Variants in PSMD13 observed in about 807,000 individuals in gnomAD.
PSMD13 encodes the protein proteasome 26S subunit, non-ATPase 13, also known as 26S proteasome non-ATPase regulatory subunit 13.
Under a neutral mutation model 57.4 loss-of-function variants are expected in PSMD13, and 8 were observed. The ratio of observed to expected loss-of-function variants is 0.14; its 90% CI spans 0.08 to 0.25. The LOEUF (loss-of-function observed/expected upper bound fraction) is 0.25, where lower values mean the gene tolerates loss of function less well. PSMD13 is among the 10% of genes least tolerant of loss of function. The pLI is 1.00. For missense variants in PSMD13, 400 were observed against 461.5 expected, an observed-to-expected ratio of 0.87 and a Z score of 1.22; for synonymous variants, 193 against 168.2, an observed-to-expected ratio of 1.15 and a Z score of -1.14.
chr11:237,845 T>A (rs1859378406), intron 1 of PSMD13, among the ~76,000 whole-genome samples: 1 of 152,366 alleles, frequency 6.6e-6, no homozygotes, highest in Non-Finnish European at 1.5e-5. Context: ...ATGAGTAGAA[T>A]AAATTGCTGG....
intron 2 of PSMD13, chr11:243,085 C>T (rs1278585870): frequency 1.9e-5 from 9 of 484,294 alleles, no homozygotes; most frequent in African/African-American, 9.7e-5. Context: ...TGAGCCACTG[C>T]GCCCGGATGG....
chr11:246,789 C>T lies in PSMD13; in HGVS notation c.397-488C>T, dbSNP rs187080707. 1.2e-3 allele frequency among the ~76,000 whole-genome samples: 184 copies of T among 152,278 alleles called. 1 individual carries two copies. The highest frequency in any genetic ancestry group is 4.1e-3 in the African/African-American group (172 of 41,548). On this transcript the variant is annotated intron_variant, in intron 6 of 12. Transcript: ENST00000532097. ...CTTGTTGGGGGTTTAATTTGCATTT[C>T]ACAATTACTAGTGGTTTATTGGCCA...
chr11:241,416 A>G (rs1416944068), intron 2 of PSMD13, among the ~76,000 whole-genome samples: 3 of 152,158 alleles, frequency 2.0e-5, no homozygotes, highest in Non-Finnish European at 2.9e-5. Flanking sequence ...TACATAACAG[A>G]CGTGAGCCAC....
At chr11:250,928 G>A in intron 10 of PSMD13, 63 bp downstream of exon 10, 1 of 1,429,660 alleles carries the variant, frequency 7.0e-7, no homozygotes, top group Non-Finnish European at 9.8e-7. Flanking sequence ...TGGGGGCGCT[G>A]CACTCTCCAA....
intron 1 of PSMD13, among the ~76,000 whole-genome samples, chr11:237,596 T>C (rs2133978569): frequency 6.6e-6 from 1 of 152,346 alleles, no homozygotes; most frequent in Admixed American, 6.5e-5. Flanking sequence ...TCTACAGTTA[T>C]CTTTCTCATG....
intron 6 of PSMD13, among the ~76,000 whole-genome samples, chr11:246,010 CT>C (rs1590250828): frequency 6.6e-6 from 1 of 152,174 alleles, no homozygotes; most frequent in Non-Finnish European, 1.5e-5. Context: ...TCAGACCACA[CT>C]TCTCCCCCAG....
At chr11:243,320 C>G in intron 2 of PSMD13, 2 of 386,576 alleles carry the variant, frequency 5.2e-6, no homozygotes, top group Non-Finnish European at 1.0e-5. Context: ...ATTCCATTCT[C>G]TAGAGAACAT....
At chr11:249,861 T>C (rs189976144) in intron 9 of PSMD13, among the ~76,000 whole-genome samples, 4 of 152,266 alleles carry the variant, frequency 2.6e-5, no homozygotes, top group African/African-American at 7.2e-5. Flanking sequence ...ATTTTCTCAG[T>C]TTAAAATAAA....
Position 247,407 on chromosome 11 carries a change from C to T in PSMD13, c.527C>T (p.Ala176Val), listed in dbSNP as rs1859673234. 1 of 1,612,898 alleles carries T rather than the reference C, an allele frequency of 6.2e-7. No individual in the cohort carries two copies. The highest frequency in any genetic ancestry group is 1.7e-5 in the Admixed American group (1 of 59,948). The change falls in exon 7 of 13, where the codon GCT (alanine) becomes GTT (valine). Residue 176 changes from alanine (A) to valine (V), a missense_variant. Ala to Val is a moderately conservative substitution (Grantham distance 64, BLOSUM62 0). Coordinates refer to ENST00000532097, the MANE Select transcript of PSMD13 (RefSeq NM_002817.4). ...IGNHASYYKD[A>V]LRFLGCVDIK... ...AACCACGCGTCCTACTACAAAGATG[C>T]TCTGCGGTTTTTGGGCTGTGTTGAC... is the stretch of plus-strand genomic sequence containing the variant.
Position 244,111 on chromosome 11 carries a change from G to C in PSMD13, c.209+36G>C, listed in dbSNP as rs1859581079. 10 of 1,606,094 alleles carry C rather than the reference G, an allele frequency of 6.2e-6. No individual in the cohort carries two copies. In the African/African-American group the frequency reaches 1.1e-4, roughly 17 times the overall value. ...CTCATCCGTTTTTCACTTTGAAAAT[G>C]AGTGCATTGATGCTCGGCGGTGCTC... On this transcript the variant is annotated intron_variant, in intron 3 of 12. Coordinates refer to ENST00000532097, the MANE Select transcript of PSMD13 (RefSeq NM_002817.4).
rs1033864700 is a variant in PSMD13 at position 250,880 on chromosome 11, A to G, written c.837+15A>G. On this transcript the variant is annotated intron_variant, in intron 10 of 12. Coordinates refer to ENST00000532097, the MANE Select transcript of PSMD13 (RefSeq NM_002817.4). ...GCCTCATGGAGGTAAGCGAACACCC[A>G]GGAGCCACTTTGTCTGTGGTTTCAG... 1.9e-6 allele frequency: 3 copies of G among 1,612,176 alleles called. No individual in the cohort carries two copies. Among genetic ancestry groups the G allele is most frequent in the South Asian group, 2.2e-5 (2 of 91,082 alleles).
In PSMD13 at chr11:246,563, T is replaced by G. The variant is rs141297636; in HGVS notation, c.397-714T>G. Among the ~76,000 whole-genome samples the G allele has an allele frequency of 5.3e-3, 806 of 152,322 alleles. 7 individuals carry two copies. Among genetic ancestry groups the G allele is most frequent in the Middle Eastern group, 0.024 (7 of 294 alleles). On this transcript the variant is annotated intron_variant, in intron 6 of 12. Coordinates refer to ENST00000532097, the MANE Select transcript of PSMD13 (RefSeq NM_002817.4). ...CACAAACAGTACTGCCATAAGTATT[T>G]CTGTGCCTGGTCCCTTGTGTGTGGG...
Position 249,198 on chromosome 11 carries a change from A to G in PSMD13, c.774+141A>G. ...CCAAGATAGGCTAGTCCTTGCTCTC[A>G]TAGAGCAGAGAGTTAAGTGGTTGGT... On this transcript the variant is annotated intron_variant, in intron 9 of 12. Transcript: ENST00000532097. The G allele has an allele frequency of 5.0e-6, 6 of 1,194,890 alleles. No individual in the cohort carries two copies. The South Asian group carries it at 7.1e-5, about 14-fold the overall frequency. 74.0% of individuals were successfully genotyped at this position (1,194,890 alleles called of 1,614,324 possible).
intron 2 of PSMD13, 116 bp downstream of exon 2, chr11:239,192 C>A (rs1401833852): frequency 6.0e-6 from 6 of 1,004,058 alleles, no homozygotes; most frequent in Non-Finnish European, 9.4e-6. Context: ...AGTCACTTTA[C>A]GTCAGGTACT....
chr11:244,913 C>G (rs1042404436), intron 6 of PSMD13, 152 bp downstream of exon 6: 7 of 572,370 alleles, frequency 1.2e-5, no homozygotes, highest in Non-Finnish European at 1.8e-5. Context: ...CTACTATACC[C>G]CAACCTAAAT....
chr11:239,209 A>T, intron 2 of PSMD13, 133 bp downstream of exon 2: 1 of 833,764 alleles, frequency 1.2e-6, no homozygotes, highest in East Asian at 2.5e-5. Flanking sequence ...TACTGGTCTG[A>T]GCGCTTCACA....
intron 2 of PSMD13, among the ~76,000 whole-genome samples, chr11:239,600 A>C (rs1859472491): frequency 6.6e-6 from 1 of 151,884 alleles, no homozygotes; most frequent in African/African-American, 2.4e-5. Context: ...AAAATAAAAC[A>C]CCTTTTGTAC....
At position 251,538 on chromosome 11, in the gene PSMD13, T is replaced by G; in HGVS notation, c.838-8T>G. ...ATAGTTTAAAATAGTTAATAAAATT[T>G]TTTCCAGATGACTTTCACACGACCT... is the stretch of plus-strand genomic sequence containing the variant. On this transcript the variant is annotated splice_polypyrimidine_tract_variant and splice_region_variant and intron_variant, in intron 10 of 12. Coordinates refer to ENST00000532097, the MANE Select transcript of PSMD13 (RefSeq NM_002817.4). This position sits in a 1 kb window ranked among gnomAD's most constrained non-coding sequence, Gnocchi z 4.6. 6.2e-7 allele frequency: 1 copy of G among 1,606,642 alleles called. No homozygotes were observed. Among genetic ancestry groups the G allele is most frequent in the Non-Finnish European group, 8.5e-7 (1 of 1,174,588 alleles).
chr11:249,115 CAG>C (rs1307568305), intron 9 of PSMD13, 58 bp downstream of exon 9: 1 of 1,597,300 alleles, frequency 6.3e-7, no homozygotes, highest in Non-Finnish European at 8.5e-7. Context: ...GCTCATACAA[CAG>C]ATGTTCATTG....
Sources: allele counts gnomAD v4.1 joint callset (sites outside exome capture counted in the v4.1 genomes callset), GRCh38; gene constraint gnomAD v4.1.1; non-coding constraint Gnocchi (gnomAD v3.1); transcripts MANE v1.5; gene names NCBI Gene and HGNC (gene_info 2026-07-23, HGNC 2026-07-21).